DIAPH3: variants seen among roughly 807,000 people sequenced by gnomAD.
DIAPH3 encodes diaphanous related formin 3, also known as protein diaphanous homolog 3.
In DIAPH3, 117 loss-of-function variants were observed where a neutral mutation model predicts 144.3. The ratio of observed to expected loss-of-function variants is 0.81; its 90% confidence interval spans 0.70 to 0.95. The LOEUF (loss-of-function observed/expected upper bound fraction) is 0.95, where lower values mean the gene tolerates loss of function less well. Ranked by LOEUF, DIAPH3 falls within the 40% of genes least tolerant of loss-of-function variation. The probability of loss-of-function intolerance (pLI) is 0.00; values close to 1 mark genes in which losing one functional copy is unlikely to be tolerated. For synonymous variants in DIAPH3, 519 were observed against 488.9 expected (o/e 1.06, Z -0.81); for missense variants, 1,421 against 1,412.7 (o/e 1.01, Z -0.09).
chr13:59,758,061 A>C (rs1271323319), intron 27 of DIAPH3, among the ~76,000 whole-genome samples: 1 of 152,232 alleles, frequency 6.6e-6, no homozygotes, highest in African/African-American at 2.4e-5. Context: ...ATGCAAATCA[A>C]AACTACACTG....
rs537236253 is a variant in DIAPH3 at position 59,966,631 on chromosome 13, AC to A, written c.2074+3312del. Among the ~76,000 whole-genome samples, 564 of 152,272 alleles carry A rather than the reference AC, an allele frequency of 3.7e-3. 3 individuals are homozygous for A. The highest frequency in any genetic ancestry group is 5.2e-3 in the Non-Finnish European group (352 of 68,010). ...GTGTCTACCATAAGAAAAAAGCCCC[AC>A]TTACTTGACAACAAATAAAGTCTAC... On this transcript the variant is annotated intron_variant, in intron 17 of 27. Coordinates refer to ENST00000400324, the MANE Select transcript of DIAPH3 (RefSeq NM_001042517.2).
At chr13:59,818,039 G>A (rs529807590) in intron 24 of DIAPH3, among the ~76,000 whole-genome samples, 2 of 151,884 alleles carry the variant, frequency 1.3e-5, no homozygotes, top group East Asian at 3.9e-4. Flanking sequence ...CTTTAGAGCA[G>A]AGGCTATCGA....
intron 18 of DIAPH3, among the ~76,000 whole-genome samples, chr13:59,920,532 G>A (rs1019385091): frequency 4.0e-5 from 6 of 151,478 alleles, no homozygotes; most frequent in Non-Finnish European, 8.9e-5. Context: ...GCATGTGTGT[G>A]CGTGTATATA....
At chr13:59,672,633 C>T (rs983417278) in intron 27 of DIAPH3, among the ~76,000 whole-genome samples, 25 of 152,148 alleles carry the variant, frequency 1.6e-4, no homozygotes, top group African/African-American at 5.8e-4. Context: ...TATGCAATAA[C>T]GGAAGTTAGT....
At chr13:60,133,769 G>C (rs1191806873) in intron 1 of DIAPH3, among the ~76,000 whole-genome samples, 1 of 152,076 alleles carries the variant, frequency 6.6e-6, no homozygotes, top group Non-Finnish European at 1.5e-5. Flanking sequence ...GAAAGATATT[G>C]TATTCAAGTA....
At chr13:59,713,469 A>C (rs1222066193) in intron 27 of DIAPH3, among the ~76,000 whole-genome samples, 2 of 152,230 alleles carry the variant, frequency 1.3e-5, no homozygotes, top group Non-Finnish European at 2.9e-5. Context: ...GAGGACTGAC[A>C]TTATGCAGGC....
intron 21 of DIAPH3, among the ~76,000 whole-genome samples, chr13:59,873,516 G>C (rs1196939433): frequency 6.6e-6 from 1 of 152,090 alleles, no homozygotes; most frequent in Non-Finnish European, 1.5e-5. Flanking sequence ...GTACAAGCTA[G>C]AGACTTGTAA....
intron 4 of DIAPH3, among the ~76,000 whole-genome samples, chr13:60,067,027 C>G (rs1276356748): frequency 6.6e-6 from 1 of 151,886 alleles, no homozygotes; most frequent in African/African-American, 2.4e-5. Flanking sequence ...GCCTATAATC[C>G]CAGCACTTTG....
chr13:59,944,244 T>A (rs958720897), intron 17 of DIAPH3, among the ~76,000 whole-genome samples: 3 of 151,516 alleles, frequency 2.0e-5, no homozygotes, highest in Non-Finnish European at 4.4e-5. Context: ...ACTTAGAAAG[T>A]TAAAAGAGGC....
chr13:60,117,106 C>A (rs2058722979), intron 2 of DIAPH3, among the ~76,000 whole-genome samples: 2 of 151,960 alleles, frequency 1.3e-5, no homozygotes, highest in South Asian at 4.1e-4. Flanking sequence ...GTACTTGTAT[C>A]AATAACATAA....
At chr13:59,837,851 G>T (rs1007178108) in intron 23 of DIAPH3, 7 of 151,798 alleles carry the variant, frequency 4.6e-5, no homozygotes, top group African/African-American at 1.7e-4. Flanking sequence ...TGGATGGGTG[G>T]CAAGATACAA....
At chr13:59,822,269 A>T (rs1055048164) in intron 24 of DIAPH3, among the ~76,000 whole-genome samples, 2 of 152,098 alleles carry the variant, frequency 1.3e-5, no homozygotes, top group African/African-American at 4.8e-5. Flanking sequence ...TCTCCCAATT[A>T]CAAAGCTAAA....
intron 27 of DIAPH3, among the ~76,000 whole-genome samples, chr13:59,767,653 A>G (rs551749837): frequency 1.3e-5 from 2 of 152,280 alleles, no homozygotes; most frequent in Admixed American, 1.3e-4. Context: ...CATAATAATT[A>G]TAGTCCACTA....
At chr13:59,815,447 G>A (rs193275546) in intron 24 of DIAPH3, among the ~76,000 whole-genome samples, 1 of 152,034 alleles carries the variant, frequency 6.6e-6, no homozygotes, top group East Asian at 1.9e-4. Context: ...TGAACAGCAT[G>A]TGGCTTTTTA....
chr13:59,994,256 C>T (rs941074632), intron 9 of DIAPH3, among the ~76,000 whole-genome samples: 1 of 151,866 alleles, frequency 6.6e-6, no homozygotes, highest in African/African-American at 2.4e-5. Flanking sequence ...ATCATGCAAA[C>T]ATGTCTGTGA....
chr13:60,104,943 A>C (rs1445803294), intron 3 of DIAPH3, among the ~76,000 whole-genome samples: 2 of 151,900 alleles, frequency 1.3e-5, no homozygotes, highest in Non-Finnish European at 2.9e-5. Flanking sequence ...AAAATACAAA[A>C]AAATTAGCTG....
chr13:60,058,961 A>C (rs1328517682), intron 4 of DIAPH3, among the ~76,000 whole-genome samples: 1 of 151,908 alleles, frequency 6.6e-6, no homozygotes, highest in African/African-American at 2.4e-5. Flanking sequence ...CCCAGACTTC[A>C]CCACTATCCA....
intron 4 of DIAPH3, among the ~76,000 whole-genome samples, chr13:60,060,524 T>C (rs1397329722): frequency 6.6e-6 from 1 of 152,076 alleles, no homozygotes. Flanking sequence ...GTTTGCAGGG[T>C]AGGGTAAGGG....
intron 4 of DIAPH3, among the ~76,000 whole-genome samples, chr13:60,081,403 C>A (rs2057554783): frequency 6.6e-6 from 1 of 151,774 alleles, no homozygotes; most frequent in South Asian, 2.1e-4. Flanking sequence ...TATTTTCTAC[C>A]CTAATAGTTA....
Sources: gnomAD v4.1 joint callset for allele counts (sites outside exome capture counted in the v4.1 genomes callset) on GRCh38, gnomAD v4.1.1 for gene constraint, MANE v1.5 for transcripts, NCBI Gene and HGNC (gene_info 2026-07-23, HGNC 2026-07-21) for gene names.